GRK5: variants seen among roughly 807,000 people sequenced by gnomAD.
The protein encoded by GRK5 is G protein-coupled receptor kinase 5, also known as g protein-coupled receptor kinase GRK5.
A neutral mutation model predicts 78.4 loss-of-function variants in GRK5; 40 were observed. The observed-to-expected ratio is 0.51, with a 90% CI of 0.40 to 0.66. The LOEUF is 0.66. GRK5 is among the 30% of genes least tolerant of loss of function. The pLI, the probability that GRK5 is intolerant of heterozygous loss-of-function variation, is 0.00. For synonymous variants in GRK5, 289 were observed against 296.8 expected, an observed-to-expected ratio of 0.97 and a Z score of 0.27; for missense variants, 598 against 759.9, an observed-to-expected ratio of 0.79 and a Z score of 2.50.
chr10:119,434,183 A>G (rs1486568913), intron 8 of GRK5, among the ~76,000 whole-genome samples: 3 of 152,308 alleles, frequency 2.0e-5, no homozygotes, highest in East Asian at 3.9e-4. Context: ...ACAATTCAAG[A>G]TGAGATTTGG....
rs116582252 is a variant in GRK5 at position 119,290,730 on chromosome 10, G to A, written c.53-35786G>A. On this transcript the variant is annotated intron_variant, in intron 1 of 15. Coordinates refer to ENST00000392870, the MANE Select transcript of GRK5 (RefSeq NM_005308.3). ...AGTCCCTCTGAGACATCCCACCTCC[G>A]GGGAGCCTTCTAGATTCCTTGGGCT... Among the ~76,000 whole-genome samples the A allele has an allele frequency of 3.3e-3, 497 of 151,948 alleles. 2 individuals are homozygous for A. The highest frequency in any genetic ancestry group is 0.011 in the African/African-American group (469 of 41,436).
intron 4 of GRK5, among the ~76,000 whole-genome samples, chr10:119,401,101 C>T (rs61484048): frequency 0.029 from 4,415 of 152,214 alleles, 180 homozygotes; most frequent in East Asian, 0.17. Flanking sequence ...CTGAGGGGAG[C>T]TCTGGAAGCT....
At chr10:119,280,285 A>C (rs184567828) in intron 1 of GRK5, among the ~76,000 whole-genome samples, 1 of 152,344 alleles carries the variant, frequency 6.6e-6, no homozygotes, top group East Asian at 1.9e-4. Context: ...ATGGTGACAA[A>C]AAGTTAGTGC....
intron 1 of GRK5, among the ~76,000 whole-genome samples, chr10:119,223,005 C>T (rs939619798): frequency 2.0e-5 from 3 of 152,286 alleles, no homozygotes; most frequent in Non-Finnish European, 2.9e-5. Context: ...CCTAGGGATA[C>T]GTAATAAAGT....
intron 3 of GRK5, among the ~76,000 whole-genome samples, chr10:119,383,333 C>A (rs191176131): frequency 6.6e-6 from 1 of 152,330 alleles, no homozygotes; most frequent in East Asian, 1.9e-4. Flanking sequence ...GTTTCATGTT[C>A]TTCCATCAGG....
intron 4 of GRK5, among the ~76,000 whole-genome samples, chr10:119,418,052 C>G (rs572180152): frequency 6.6e-6 from 1 of 152,110 alleles, no homozygotes; most frequent in Non-Finnish European, 1.5e-5. Flanking sequence ...TCGGGGGTCC[C>G]GAGGGGAGTT....
intron 2 of GRK5, among the ~76,000 whole-genome samples, chr10:119,369,702 C>T (rs1020660058): frequency 9.2e-5 from 14 of 152,224 alleles, no homozygotes; most frequent in African/African-American, 2.4e-4. Context: ...GCCTTTTCTG[C>T]GGACGCCTCT....
intron 4 of GRK5, among the ~76,000 whole-genome samples, chr10:119,401,482 C>G (rs7912977): frequency 1 from 151,934 of 152,328 alleles, 75,771 homozygotes; most frequent in Middle Eastern, 1. Context: ...CTGAGAAGGA[C>G]GTGAGCTTTA....
intron 1 of GRK5, among the ~76,000 whole-genome samples, chr10:119,283,556 C>A (rs1221384084): frequency 6.6e-6 from 1 of 152,222 alleles, no homozygotes; most frequent in Admixed American, 6.5e-5. Flanking sequence ...GCTCTGTATT[C>A]CCTGGCCAGT....
intron 2 of GRK5, among the ~76,000 whole-genome samples, chr10:119,348,011 C>A (rs1367847101): frequency 6.6e-6 from 1 of 152,258 alleles, no homozygotes; most frequent in Non-Finnish European, 1.5e-5. Flanking sequence ...CTTCTCTCAT[C>A]CGCCATTGTT....
chr10:119,405,788 T>C (rs1852229075), intron 4 of GRK5, among the ~76,000 whole-genome samples: 1 of 152,156 alleles, frequency 6.6e-6, no homozygotes, highest in Non-Finnish European at 1.5e-5. Flanking sequence ...CATCAGTCAT[T>C]CTCTAGCACT....
intron 9 of GRK5, among the ~76,000 whole-genome samples, chr10:119,438,894 A>C (rs1240541015): frequency 6.6e-6 from 1 of 152,274 alleles, no homozygotes; most frequent in African/African-American, 2.4e-5. Flanking sequence ...GATGAGGCTC[A>C]CTGGCTGGAT....
intron 1 of GRK5, among the ~76,000 whole-genome samples, chr10:119,294,471 A>G (rs1724516586): frequency 6.6e-6 from 1 of 152,112 alleles, no homozygotes; most frequent in African/African-American, 2.4e-5. Context: ...GCCGCCAGCC[A>G]CCTGTCAAGC....
intron 2 of GRK5, chr10:119,335,910 C>G (rs898327374): frequency 2.6e-5 from 4 of 152,272 alleles, no homozygotes; most frequent in African/African-American, 9.6e-5. Flanking sequence ...ACTGGAGACA[C>G]TAACACCAAC....
intron 2 of GRK5, among the ~76,000 whole-genome samples, chr10:119,349,859 G>T (rs985732828): frequency 6.6e-6 from 1 of 152,220 alleles, no homozygotes; most frequent in Admixed American, 6.5e-5. Flanking sequence ...TTGCTCATAC[G>T]TGGGCACCTG....
intron 2 of GRK5, chr10:119,335,129 CCTCTCTCTCTCTCTCTCTCTCTCTCTCT>C (rs71016564): frequency 2.0e-4 from 2 of 9,872 alleles, no homozygotes; most frequent in African/African-American, 8.6e-4. Flanking sequence ...GCCTGCCTTG[CCTCTCTCTCTCTCTCTCTCTCTCTCTCT>C]CTCTCTCTCT....
chr10:119,428,680 C>T (rs1039631665), intron 6 of GRK5, among the ~76,000 whole-genome samples: 3 of 152,186 alleles, frequency 2.0e-5, no homozygotes, highest in African/African-American at 7.2e-5. Flanking sequence ...CTTATCTGCA[C>T]CAAACACATG....
intron 1 of GRK5, among the ~76,000 whole-genome samples, chr10:119,300,346 C>A (rs113355015): frequency 0.014 from 2,205 of 152,298 alleles, 21 homozygotes; most frequent in South Asian, 0.039. Flanking sequence ...CTAGCCACAA[C>A]GTTTGACCCT....
In GRK5 at chr10:119,452,779, G is replaced by A; in HGVS notation, c.1513G>A (p.Gly505Ser). ...CGACTTCTACTCCAAGTTCTCCACG[G>A]GCTCTGTGTCCATCCCATGGCAAAA... ...DDDFYSKFSTGSVSIPWQNEM... is the reference protein window; with the variant it reads ...DDDFYSKFSTSSVSIPWQNEM... Residue 505 changes from glycine to serine, a missense_variant, in exon 14 of 16, where the codon GGC becomes AGC. Transcript: ENST00000392870. This position sits in a 1 kb window ranked among gnomAD's most constrained non-coding sequence, Gnocchi z 4.4. 1 of 1,614,048 alleles carries A rather than the reference G, an allele frequency of 6.2e-7. No homozygotes were observed. Among genetic ancestry groups the A allele is most frequent in the Non-Finnish European group, 8.5e-7 (1 of 1,180,008 alleles).
Sources: gnomAD v4.1 joint callset for allele counts (sites outside exome capture counted in the v4.1 genomes callset) on GRCh38, gnomAD v4.1.1 for gene constraint, Gnocchi (gnomAD v3.1) non-coding constraint, MANE v1.5 for transcripts, NCBI Gene and HGNC (gene_info 2026-07-23, HGNC 2026-07-21) for gene names.